The following FUBP3 variants were observed in gnomAD, a reference collection of about 807,000 sequenced individuals.
FUBP3 encodes the protein far upstream element binding protein 3.
A neutral mutation model predicts 85.6 loss-of-function variants in FUBP3; 28 were observed. The observed-to-expected ratio is 0.33, with a 90% CI of 0.24 to 0.45. The LOEUF is 0.45. Among genes scored for constraint, FUBP3 ranks in the 20% least tolerant of loss-of-function variants. The pLI is 1.00. For missense variants in FUBP3, 583 were observed against 755.1 expected, an observed-to-expected ratio of 0.77 and a Z score of 2.67; for synonymous variants, 271 against 271.4, an observed-to-expected ratio of 1.00 and a Z score of 0.01.
At chr9:130,590,020 A>AAT in intron 1 of FUBP3, among the ~76,000 whole-genome samples, 1 of 51,888 alleles carries the variant, frequency 1.9e-5, no homozygotes, top group African/African-American at 9.1e-5. Flanking sequence ...CGGCCTATTT[A>AAT]ATTTTTTTTT....
rs1304536548 is a variant in FUBP3, at chr9:130,633,934, C to A, written c.1511-733C>A. 2.0e-5 allele frequency among the ~76,000 whole-genome samples: 3 copies of A among 152,192 alleles called. No individual in the cohort carries two copies. The East Asian group carries it at 5.8e-4, about 29-fold the overall frequency. ...ACAGGAGACGAGACAGTGAGGGGGT[C>A]TTTTGTGGGCCTTGGCAGGTGGACA... On this transcript the variant is annotated intron_variant, in intron 16 of 18. Coordinates refer to ENST00000319725, the MANE Select transcript of FUBP3 (RefSeq NM_003934.2).
At chr9:130,606,562 T>G (rs530833593) in intron 2 of FUBP3, among the ~76,000 whole-genome samples, 18 of 152,186 alleles carry the variant, frequency 1.2e-4, no homozygotes, top group Non-Finnish European at 1.8e-4. Context: ...GGCTCACGCC[T>G]GTAATCCCAG....
In FUBP3 at chr9:130,632,029, G is replaced by A. The variant is rs895463612; in HGVS notation, c.1433+7G>A. The A allele has an allele frequency of 1.9e-6, 3 of 1,598,364 alleles. No homozygotes were observed. The highest frequency in any genetic ancestry group is 1.7e-5 in the Admixed American group (1 of 59,986). On this transcript the variant is annotated splice_region_variant and intron_variant, in intron 15 of 18. Coordinates refer to ENST00000319725, the MANE Select transcript of FUBP3 (RefSeq NM_003934.2). ...CCCACAGCACCCCTGTGAGGTAGGT[G>A]ACCTGCTGTGACTCAGTTGGGGACA...
At chr9:130,614,098 T>TA (rs1249191006) in intron 5 of FUBP3, among the ~76,000 whole-genome samples, 190 bp from the exon 6 acceptor site, 1 of 152,270 alleles carries the variant, frequency 6.6e-6, no homozygotes, top group Admixed American at 6.5e-5. Flanking sequence ...GACTTGTTTC[T>TA]ACTTCGAGAA....
chr9:130,596,631 G>A (rs1433303549), intron 2 of FUBP3: 1 of 424,838 alleles, frequency 2.4e-6, no homozygotes, highest in Admixed American at 2.9e-5. Context: ...CAAGTAGCTG[G>A]GACTACAGGC....
chr9:130,626,604 G>C, intron 12 of FUBP3, 99 bp downstream of exon 12: 1 of 1,274,810 alleles, frequency 7.8e-7, no homozygotes, highest in Non-Finnish European at 1.1e-6. Flanking sequence ...TCCCTTTGCT[G>C]CTGCAGGCTG....
At chr9:130,626,073 A>G (rs959848167) in intron 11 of FUBP3, among the ~76,000 whole-genome samples, 2 of 152,164 alleles carry the variant, frequency 1.3e-5, no homozygotes, top group Non-Finnish European at 1.5e-5. Flanking sequence ...TCCAGGGAGA[A>G]AGGCCGCTGG....
Position 130,635,942 on chromosome 9 carries a change from G to T in FUBP3, c.1583-57G>T. 1 of 1,578,534 alleles carries T rather than the reference G, an allele frequency of 6.3e-7. No individual in the cohort carries two copies. Among genetic ancestry groups the T allele is most frequent in the South Asian group, 1.2e-5 (1 of 86,252 alleles). On this transcript the variant is annotated intron_variant, in intron 17 of 18. Transcript: ENST00000319725. The surrounding 1 kb of genome is among the most constrained non-coding windows in gnomAD (Gnocchi z 4.3). ...CAGATGCCCAGGGCCTTTGGGAAGGGTCCTGCCCAGTGCACCTCCGCTCCC... is the reference window on the plus strand; with the variant it reads ...CAGATGCCCAGGGCCTTTGGGAAGGTTCCTGCCCAGTGCACCTCCGCTCCC...
chr9:130,625,961 T>A (rs561845454), intron 11 of FUBP3, among the ~76,000 whole-genome samples: 2 of 152,126 alleles, frequency 1.3e-5, no homozygotes, highest in Non-Finnish European at 2.9e-5. Context: ...ATATCTGACT[T>A]CCCATAGGCC....
chr9:130,632,153 G>A, intron 15 of FUBP3, 49 bp from the exon 16 acceptor site: 1 of 1,517,354 alleles, frequency 6.6e-7, no homozygotes, highest in Non-Finnish European at 9.1e-7. Context: ...GGAGACGACA[G>A]GGGTGACTTG....
chr9:130,594,678 G>A (rs1252343548), intron 1 of FUBP3, among the ~76,000 whole-genome samples: 1 of 152,132 alleles, frequency 6.6e-6, no homozygotes, highest in Non-Finnish European at 1.5e-5. Context: ...AGGATGACTT[G>A]AGCTTGGAAA....
At position 130,628,082 on chromosome 9, in the gene FUBP3, A is replaced by ACACG. The variant is rs557473643; in HGVS notation, c.1117+1595_1117+1598dup. The stretch of plus-strand genomic sequence containing the variant: ...ATGTCACACACACACCGCACTAAAC[A>ACACG]CACGCACGCACGCACGCACGCGCAC... On this transcript the variant is annotated intron_variant, in intron 12 of 18. Transcript: ENST00000319725. Among the ~76,000 whole-genome samples, 20 of 139,082 alleles carry ACACG rather than the reference A, an allele frequency of 1.4e-4. 1 individual carries two copies. In the South Asian group the frequency reaches 3.5e-3, roughly 25 times the overall value. The allele number at this position is 139,082 out of a possible 152,430, so 91.2% of individuals were successfully genotyped here. A position where few individuals can be genotyped will look rare whatever the true frequency, so the allele number is the denominator to read the frequency against.
chr9:130,623,978 A>G (rs1169053376), intron 11 of FUBP3, among the ~76,000 whole-genome samples: 2 of 152,156 alleles, frequency 1.3e-5, no homozygotes, highest in Non-Finnish European at 2.9e-5. Flanking sequence ...GGGAAATACC[A>G]TGGAGATTGG....
In FUBP3 at chr9:130,595,488, T is replaced by A; in HGVS notation, c.90T>A (p.Ala30=). The stretch of plus-strand genomic sequence containing the variant: ...AAATCTGATTCTCTCTGTAGATTGC[T>A]GCTAAAATTGATTCAATTCCTCACT... ...VDALHRVRQI[A]AKIDSIPHLN... The change falls in exon 2 of 19, where the codon GCT becomes GCA. Residue 30 remains alanine (A), a synonymous_variant. Coordinates refer to ENST00000319725, the MANE Select transcript of FUBP3 (RefSeq NM_003934.2). 6.8e-7 allele frequency: 1 copy of A among 1,480,554 alleles called. No homozygotes were observed. The allele number at this position is 1,480,554 out of a possible 1,614,324, so 91.7% of individuals were successfully genotyped here.
Position 130,636,788 on chromosome 9 carries a change from T to G in FUBP3, c.1711-226T>G, listed in dbSNP as rs1830437143. On this transcript the variant is annotated intron_variant, in intron 18 of 18. Coordinates refer to ENST00000319725, the MANE Select transcript of FUBP3 (RefSeq NM_003934.2). ...TGCCAAATTGGCCGTCTGGGTCTGG[T>G]CCTGGGGAAACAGGTGTCAGGGCTG... is the stretch of plus-strand genomic sequence containing the variant. Among the ~76,000 whole-genome samples, 5 of 152,292 alleles carry G rather than the reference T, an allele frequency of 3.3e-5. No individual in the cohort carries two copies. In the South Asian group the frequency reaches 1.0e-3, roughly 32 times the overall value.
At chr9:130,614,851 G>T (rs555721636) in intron 6 of FUBP3, among the ~76,000 whole-genome samples, 1 of 152,092 alleles carries the variant, frequency 6.6e-6, no homozygotes, top group African/African-American at 2.4e-5. Flanking sequence ...GACTTTTGGC[G>T]CCCTTGCAAC....
At chr9:130,593,069 A>C (rs1482571841) in intron 1 of FUBP3, among the ~76,000 whole-genome samples, 2 of 152,144 alleles carry the variant, frequency 1.3e-5, no homozygotes, top group Non-Finnish European at 2.9e-5. Flanking sequence ...GGGTCTTTGT[A>C]CAAGTTCCTC....
At chr9:130,615,311 G>A (rs1354393695) in intron 6 of FUBP3, among the ~76,000 whole-genome samples, 2 of 152,212 alleles carry the variant, frequency 1.3e-5, no homozygotes, top group African/African-American at 4.8e-5. Context: ...AAAGGCTCAA[G>A]ACTACAAAAG....
intron 1 of FUBP3, among the ~76,000 whole-genome samples, chr9:130,594,326 T>C (rs1056495504): frequency 6.6e-6 from 1 of 152,046 alleles, no homozygotes; most frequent in African/African-American, 2.4e-5. Flanking sequence ...CTCATGCTTG[T>C]AATCCCAGCA....
Sources: gnomAD v4.1 joint callset for allele counts (sites outside exome capture counted in the v4.1 genomes callset) on GRCh38, gnomAD v4.1.1 for gene constraint, Gnocchi (gnomAD v3.1) non-coding constraint, MANE v1.5 for transcripts, NCBI Gene and HGNC (gene_info 2026-07-23, HGNC 2026-07-21) for gene names.